Variants in CDKN1B observed in about 807,000 individuals in gnomAD.
The protein encoded by CDKN1B is cyclin-dependent kinase inhibitor 1B.
In CDKN1B, 7 loss-of-function variants were observed where a neutral mutation model predicts 17.1. The observed-to-expected ratio is 0.41, with a 90% confidence interval of 0.23 to 0.77. The LOEUF is 0.77. CDKN1B is among the 30% of genes least tolerant of loss of function. CDKN1B has a pLI of 0.33. For missense variants in CDKN1B, 337 were observed against 262.0 expected, an observed-to-expected ratio of 1.29 and a Z score of -1.98; for synonymous variants, 149 against 104.3, an observed-to-expected ratio of 1.43 and a Z score of -2.61.
rs1565419124 is a variant in CDKN1B, at chr12:12,717,663, C to T, written c.-177C>T. Reference sequence around the variant, plus strand: ...CGGCGGCCGGGCCGGGGCTTCCCCGCAGCCCCTGCGCGCTCCTAGAGCTCG... The same window carrying T: ...CGGCGGCCGGGCCGGGGCTTCCCCGTAGCCCCTGCGCGCTCCTAGAGCTCG... On this transcript the variant is annotated 5_prime_UTR_variant, in exon 1 of 3. Transcript: ENST00000228872. 3 of 1,493,668 alleles carry T rather than the reference C, an allele frequency of 2.0e-6. No individual in the cohort carries two copies. Among genetic ancestry groups the T allele is most frequent in the Non-Finnish European group, 2.7e-6 (3 of 1,129,182 alleles). The allele number at this position is 1,493,668 out of a possible 1,614,324, so 92.5% of individuals were successfully genotyped here.
intron 2 of CDKN1B, among the ~76,000 whole-genome samples, chr12:12,720,517 T>A (rs1946531519): frequency 6.6e-6 from 1 of 152,152 alleles, no homozygotes; most frequent in Non-Finnish European, 1.5e-5. Context: ...AATTAAAAAT[T>A]TTCAAAAATT....
chr12:12,719,805 G>C (rs1408634405), intron 2 of CDKN1B, among the ~76,000 whole-genome samples: 1 of 152,176 alleles, frequency 6.6e-6, no homozygotes, highest in African/African-American at 2.4e-5. Flanking sequence ...ACAAGAATCT[G>C]ATCACTGTAA....
At chr12:12,718,383 T>C (rs1946502382) in intron 1 of CDKN1B, 69 bp downstream of exon 1, 6 of 1,386,938 alleles carry the variant, frequency 4.3e-6, no homozygotes, top group African/African-American at 1.4e-5. Context: ...GTGTTAACCT[T>C]AGCTTGCTTT....
rs375987059 is a variant in CDKN1B at position 12,717,403 on chromosome 12, G to A, written c.-437G>A. On this transcript the variant is annotated 5_prime_UTR_variant, in exon 1 of 3. Coordinates refer to ENST00000228872, the MANE Select transcript of CDKN1B (RefSeq NM_004064.5). ...AGCCTCCCTTCCACCGCCATATTGG[G>A]CCACTAAAAAAAGGGGGCTCGTCTT... 7 of 1,209,928 alleles carry A rather than the reference G, an allele frequency of 5.8e-6. No individual in the cohort carries two copies. The African/African-American group carries it at 1.1e-4, about 19-fold the overall frequency. The allele number at this position is 1,209,928 out of a possible 1,614,324, so 74.9% of individuals were successfully genotyped here. A position where few individuals can be genotyped will look rare whatever the true frequency, so the allele number is the denominator to read the frequency against.
At position 12,717,429 on chromosome 12, in the gene CDKN1B, T is replaced by A; in HGVS notation, c.-411T>A. 1 of 1,237,512 alleles carries A rather than the reference T, an allele frequency of 8.1e-7. No homozygotes were observed. The highest frequency in any genetic ancestry group is 2.0e-5 in the South Asian group (1 of 48,796). The allele number at this position is 1,237,512 out of a possible 1,614,324, so 76.7% of individuals were successfully genotyped here. Reference sequence around the variant, plus strand: ...CCACTAAAAAAAGGGGGCTCGTCTTTTCGGGGTGTTTTTCTCCCCCTCCCC... The same window carrying A: ...CCACTAAAAAAAGGGGGCTCGTCTTATCGGGGTGTTTTTCTCCCCCTCCCC... On this transcript the variant is annotated 5_prime_UTR_variant, in exon 1 of 3. Coordinates refer to ENST00000228872, the MANE Select transcript of CDKN1B (RefSeq NM_004064.5).
chr12:12,718,371 G>T (rs144655221), intron 1 of CDKN1B, 57 bp downstream of exon 1: 41 of 1,476,242 alleles, frequency 2.8e-5, no homozygotes, highest in Admixed American at 7.3e-5. Flanking sequence ...GCCTGCTGGA[G>T]GGTGTTAACC....
chr12:12,720,011 A>G (rs1592282283), intron 2 of CDKN1B, among the ~76,000 whole-genome samples: 1 of 152,242 alleles, frequency 6.6e-6, no homozygotes, highest in African/African-American at 2.4e-5. Flanking sequence ...AGTTATAAAA[A>G]TTTTAAAATA....
At chr12:12,718,432 A>G (rs1565419781) in intron 1 of CDKN1B, 118 bp downstream of exon 1, 1 of 952,162 alleles carries the variant, frequency 1.1e-6, no homozygotes, top group Non-Finnish European at 1.6e-6. Context: ...AGCTAACTTT[A>G]TTGGTCTTAG....
At position 12,717,776 on chromosome 12, in the gene CDKN1B, T is replaced by G; in HGVS notation, c.-64T>G. ...GGGTTCGGGCTGCGTAGGGGCGCTT[T>G]GTTTTGTTCGGTTTTGTTTTTTTGA... is the stretch of plus-strand genomic sequence containing the variant. On this transcript the variant is annotated 5_prime_UTR_variant, in exon 1 of 3. Transcript: ENST00000228872. The G allele has an allele frequency of 6.2e-7, 1 of 1,606,184 alleles. No homozygotes were observed. Among genetic ancestry groups the G allele is most frequent in the East Asian group, 2.2e-5 (1 of 44,872 alleles).
In CDKN1B at chr12:12,718,969, A is replaced by G; in HGVS notation, c.*8+15A>G. The G allele has an allele frequency of 6.2e-7, 1 of 1,613,310 alleles. No homozygotes were observed. Among genetic ancestry groups the G allele is most frequent in the Non-Finnish European group, 8.5e-7 (1 of 1,179,982 alleles). ...TAAACAGCTCGGTGGGTTGATCACT[A>G]AAGGAGCACGCACTGGAACCCGGGG... On this transcript the variant is annotated intron_variant, in intron 2 of 2. Coordinates refer to ENST00000228872, the MANE Select transcript of CDKN1B (RefSeq NM_004064.5).
In CDKN1B at chr12:12,717,704, G is replaced by C; in HGVS notation, c.-136G>C. 1 of 1,548,712 alleles carries C rather than the reference G, an allele frequency of 6.5e-7. No individual in the cohort carries two copies. The highest frequency in any genetic ancestry group is 8.6e-7 in the Non-Finnish European group (1 of 1,156,726). On this transcript the variant is annotated 5_prime_UTR_variant, in exon 1 of 3. Coordinates refer to ENST00000228872, the MANE Select transcript of CDKN1B (RefSeq NM_004064.5). ...CTAGAGCTCGGGCCGTGGCTCGTCG[G>C]GGTCTGTGTCTTTTGGCTCCGAGGG...
Position 12,717,852 on chromosome 12 carries a change from C to A in CDKN1B, c.13C>A (p.Arg5=). The A allele has an allele frequency of 1.2e-6, 2 of 1,613,188 alleles. No homozygotes were observed. The highest frequency in any genetic ancestry group is 2.2e-5 in the South Asian group (2 of 91,070). ...ACCCGGGAGAAAGATGTCAAACGTGCGAGTGTCTAACGGGAGCCCTAGCCT... is the reference window on the plus strand; with the variant it reads ...ACCCGGGAGAAAGATGTCAAACGTGAGAGTGTCTAACGGGAGCCCTAGCCT... The part of the protein sequence containing the change: MSNV[R]VSNGSPSLER... The change falls in exon 1 of 3, where the codon CGA becomes AGA. Residue 5 remains arginine, a synonymous_variant. Coordinates refer to ENST00000228872, the MANE Select transcript of CDKN1B (RefSeq NM_004064.5).
In CDKN1B at chr12:12,718,215, G is replaced by A. The variant is rs2136356332; in HGVS notation, c.376G>A (p.Glu126Lys). 6.2e-7 allele frequency: 1 copy of A among 1,613,082 alleles called. No individual in the cohort carries two copies. Among genetic ancestry groups the A allele is most frequent in the Non-Finnish European group, 8.5e-7 (1 of 1,179,966 alleles). The change falls in exon 1 of 3, where the codon GAG becomes AAG. Residue 126 changes from glutamate (E) to lysine (K), a missense_variant. Glu to Lys is a moderately conservative substitution (Grantham distance 56). Coordinates refer to ENST00000228872, the MANE Select transcript of CDKN1B (RefSeq NM_004064.5). Reference protein sequence around the residue: ...APLIGAPANSEDTHLVDPKTD... With the variant: ...APLIGAPANSKDTHLVDPKTD... ...TTTAATTGGGGCTCCGGCTAACTCT[G>A]AGGACACGCATTTGGTGGACCCAAA...
At position 12,718,059 on chromosome 12, in the gene CDKN1B, T is replaced by C. The variant is rs1555085554; in HGVS notation, c.220T>C (p.Tyr74His). 6.2e-7 allele frequency: 1 copy of C among 1,614,228 alleles called. No individual in the cohort carries two copies. The highest frequency in any genetic ancestry group is 8.5e-7 in the Non-Finnish European group (1 of 1,180,046). The change falls in exon 1 of 3, where the codon TAC becomes CAC. Residue 74 changes from tyrosine to histidine, a missense_variant. Transcript: ENST00000228872. Reference sequence around the variant, plus strand: ...GAATCACAAACCCCTAGAGGGCAAGTACGAGTGGCAAGAGGTGGAGAAGGG... The same window carrying C: ...GAATCACAAACCCCTAGAGGGCAAGCACGAGTGGCAAGAGGTGGAGAAGGG... ...FQNHKPLEGK[Y>H]EWQEVEKGSL...
intron 1 of CDKN1B, 32 bp from the exon 2 acceptor site, chr12:12,718,793 G>A: frequency 2.5e-6 from 4 of 1,613,402 alleles, no homozygotes; most frequent in Non-Finnish European, 3.4e-6. Flanking sequence ...TAAAGATTGT[G>A]TGTTCTTTTT....
chr12:12,718,889 T>C lies in CDKN1B; in HGVS notation c.540T>C (p.Asn180=). ...AAAATGTTTCAGACGGTTCCCCAAA[T>C]GCCGGTTCTGTGGAGCAGACGCCCA... ...TEENVSDGSP[N]AGSVEQTPKK... is the part of the protein sequence containing the mutation. The change falls in exon 2 of 3, where the codon AAT becomes AAC. Residue 180 remains asparagine, a synonymous_variant. Transcript: ENST00000228872. 3 of 1,614,148 alleles carry C rather than the reference T, an allele frequency of 1.9e-6. No individual in the cohort carries two copies. Among genetic ancestry groups the C allele is most frequent in the East Asian group, 2.2e-5 (1 of 44,874 alleles).
chr12:12,717,770 G>C lies in CDKN1B; in HGVS notation c.-70G>C. On this transcript the variant is annotated 5_prime_UTR_variant, in exon 1 of 3. Coordinates refer to ENST00000228872, the MANE Select transcript of CDKN1B (RefSeq NM_004064.5). ...CGAGAGGGGTTCGGGCTGCGTAGGG[G>C]CGCTTTGTTTTGTTCGGTTTTGTTT... is the stretch of plus-strand genomic sequence containing the variant. 2 of 1,604,610 alleles carry C rather than the reference G, an allele frequency of 1.2e-6. No homozygotes were observed. The highest frequency in any genetic ancestry group is 1.7e-6 in the Non-Finnish European group (2 of 1,179,648).
chr12:12,718,385 G>C (rs1946502414), intron 1 of CDKN1B, 71 bp downstream of exon 1: 2 of 1,389,784 alleles, frequency 1.4e-6, no homozygotes, highest in Non-Finnish European at 2.0e-6. Flanking sequence ...GTTAACCTTA[G>C]CTTGCTTTTC....
chr12:12,720,360 T>C (rs1946530009), intron 2 of CDKN1B, among the ~76,000 whole-genome samples: 1 of 152,248 alleles, frequency 6.6e-6, no homozygotes, highest in Non-Finnish European at 1.5e-5. Flanking sequence ...TATTCAAAAG[T>C]ATTCATGAGT....
Sources: gnomAD v4.1 joint callset for allele counts (sites outside exome capture counted in the v4.1 genomes callset) on GRCh38, gnomAD v4.1.1 for gene constraint, MANE v1.5 for transcripts, NCBI Gene and HGNC (gene_info 2026-07-23, HGNC 2026-07-21) for gene names.